The following MYPN variants were observed in gnomAD, a reference collection of about 807,000 sequenced individuals.
The protein encoded by MYPN is myopalladin.
MYPN carries 63 observed loss-of-function variants against 129.4 expected under a neutral mutation model. The ratio of observed to expected loss-of-function variants is 0.49; its 90% CI spans 0.40 to 0.60. The LOEUF is 0.60. Ranked by LOEUF, MYPN falls within the 20% of genes least tolerant of loss-of-function variation. The pLI is 0.00. For synonymous variants in MYPN, 629 were observed against 600.9 expected, an observed-to-expected ratio of 1.05 and a Z score of -0.68; for missense variants, 1,596 against 1,635.4, an observed-to-expected ratio of 0.98 and a Z score of 0.42.
intron 2 of MYPN, among the ~76,000 whole-genome samples, chr10:68,141,649 T>C (rs1323879909): frequency 6.6e-6 from 1 of 152,248 alleles, no homozygotes; most frequent in Non-Finnish European, 1.5e-5. Flanking sequence ...TAGCCGCTTA[T>C]GATTTGCATT....
intron 6 of MYPN, among the ~76,000 whole-genome samples, chr10:68,152,635 T>C (rs2042792079): frequency 6.6e-6 from 1 of 152,168 alleles, no homozygotes; most frequent in African/African-American, 2.4e-5. Flanking sequence ...TATTTATTTG[T>C]TTGCTTGTTT....
intron 1 of MYPN, among the ~76,000 whole-genome samples, chr10:68,091,926 T>C (rs1320588919): frequency 6.6e-6 from 1 of 151,964 alleles, no homozygotes; most frequent in East Asian, 1.9e-4. Flanking sequence ...TTTAAAATAT[T>C]GTAATCCAGG....
At chr10:68,162,746 G>T (rs914349903) in intron 8 of MYPN, among the ~76,000 whole-genome samples, 2 of 152,012 alleles carry the variant, frequency 1.3e-5, no homozygotes, top group East Asian at 3.9e-4. Flanking sequence ...ACCTGAGGTT[G>T]GGAGTTCAAG....
chr10:68,144,427 A>G (rs577122313), intron 3 of MYPN, among the ~76,000 whole-genome samples: 1 of 152,370 alleles, frequency 6.6e-6, no homozygotes, highest in East Asian at 1.9e-4. Flanking sequence ...AGGTACTTAC[A>G]TAGTACCAAG....
At position 68,136,479 on chromosome 10, in the gene MYPN, A is replaced by G. The variant is rs1337806650; in HGVS notation, c.903-6461A>G. ...AGAGTATGGTTCCCCCTGACCCTCA[A>G]AAGTCTTCAGCATAGCAGGGTAAAT... On this transcript the variant is annotated intron_variant, in intron 2 of 19. Coordinates refer to ENST00000358913, the MANE Select transcript of MYPN (RefSeq NM_032578.4). 8 of 1,202,464 alleles carry G rather than the reference A, an allele frequency of 6.7e-6. No individual in the cohort carries two copies. The East Asian group carries it at 2.3e-4, about 34-fold the overall frequency. 74.5% of individuals were successfully genotyped at this position (1,202,464 alleles called of 1,614,324 possible).
intron 19 of MYPN, among the ~76,000 whole-genome samples, chr10:68,209,508 C>T (rs1212659214): frequency 6.6e-6 from 1 of 152,038 alleles, no homozygotes; most frequent in African/African-American, 2.4e-5. Flanking sequence ...GTTTGGCTTT[C>T]ATTTCTGCAG....
Position 68,109,584 on chromosome 10 carries a change from C to A in MYPN, c.-141C>A. 1 of 454,080 alleles carries A rather than the reference C, an allele frequency of 2.2e-6. No homozygotes were observed. Among genetic ancestry groups the A allele is most frequent in the Non-Finnish European group, 4.4e-6 (1 of 226,788 alleles). The allele number at this position is 454,080 out of a possible 1,614,324, so 28.1% of individuals were successfully genotyped here. ...AGGTTAACTCCTCACTCTCTATGGA[C>A]GGCTACTCTCTATTTCCAAGGGCGT... is the stretch of plus-strand genomic sequence containing the variant. On this transcript the variant is annotated 5_prime_UTR_variant, in exon 1 of 20. Coordinates refer to ENST00000358913, the MANE Select transcript of MYPN (RefSeq NM_032578.4).
chr10:68,119,003 T>G (rs1019697713), intron 1 of MYPN, among the ~76,000 whole-genome samples: 1 of 152,072 alleles, frequency 6.6e-6, no homozygotes, highest in Non-Finnish European at 1.5e-5. Context: ...GGCACTTAAT[T>G]TCCCCCCCAT....
At position 68,120,520 on chromosome 10, in the gene MYPN, A is replaced by G. The variant is rs142915103; in HGVS notation, c.-1-918A>G. On this transcript the variant is annotated intron_variant, in intron 1 of 19. Transcript: ENST00000358913. ...ACTCATATCTTTGTAGCCTAATATGAAGAAGCTAAATCATCATAGTTTTCA... is the reference window on the plus strand; with the variant it reads ...ACTCATATCTTTGTAGCCTAATATGGAGAAGCTAAATCATCATAGTTTTCA... Among the ~76,000 whole-genome samples the G allele has an allele frequency of 3.3e-3, 498 of 152,288 alleles. 4 individuals carry two copies. Among genetic ancestry groups the G allele is most frequent in the African/African-American group, 0.012 (480 of 41,562 alleles).
intron 1 of MYPN, among the ~76,000 whole-genome samples, chr10:68,088,263 A>G (rs2041915908): frequency 1.3e-5 from 2 of 152,160 alleles, no homozygotes; most frequent in African/African-American, 2.4e-5. Context: ...TGTCCTAGAA[A>G]AATCTTTAAA....
intron 12 of MYPN, among the ~76,000 whole-genome samples, chr10:68,184,577 C>T (rs1472968584): frequency 1.3e-5 from 2 of 152,248 alleles, no homozygotes; most frequent in Non-Finnish European, 2.9e-5. Flanking sequence ...TACAGGCACA[C>T]GCCACCACGC....
chr10:68,159,751 A>C (rs893614741), intron 7 of MYPN, among the ~76,000 whole-genome samples: 1 of 152,210 alleles, frequency 6.6e-6, no homozygotes, highest in African/African-American at 2.4e-5. Flanking sequence ...TTCTCTGGGC[A>C]GTGAGTCTAG....
At chr10:68,199,256 T>C in intron 16 of MYPN, 112 bp from the exon 17 acceptor site, 1 of 1,035,008 alleles carries the variant, frequency 9.7e-7, no homozygotes, top group Non-Finnish European at 1.5e-6. Flanking sequence ...TTCTCATCAC[T>C]CCATGTTTTC....
At chr10:68,146,866 T>C (rs1171423903) in intron 4 of MYPN, among the ~76,000 whole-genome samples, 6 of 152,202 alleles carry the variant, frequency 3.9e-5, no homozygotes, top group Admixed American at 3.9e-4. Context: ...TAGTCTTTAT[T>C]TGGAGCAATC....
intron 12 of MYPN, among the ~76,000 whole-genome samples, chr10:68,186,830 A>G (rs1179127966): frequency 6.6e-6 from 1 of 152,060 alleles, no homozygotes; most frequent in Non-Finnish European, 1.5e-5. Flanking sequence ...AAAATACTAG[A>G]TAGTAACCAG....
At chr10:68,161,933 C>T (rs112490547) in intron 8 of MYPN, 181 bp downstream of exon 8, 18 of 485,734 alleles carry the variant, frequency 3.7e-5, no homozygotes, top group Admixed American at 7.2e-5. Context: ...GAGGCCGAGG[C>T]GGGCGGATTA....
rs756126179 is a variant in MYPN, at chr10:68,206,899, A to T, written c.3789A>T (p.Ile1263=). 1 of 1,614,148 alleles carries T rather than the reference A, an allele frequency of 6.2e-7. No homozygotes were observed. Among genetic ancestry groups the T allele is most frequent in the South Asian group, 1.1e-5 (1 of 91,082 alleles). The change falls in exon 19 of 20, where the codon ATA becomes ATT. Residue 1263 remains isoleucine (I), a synonymous_variant. Coordinates refer to ENST00000358913, the MANE Select transcript of MYPN (RefSeq NM_032578.4). ...GIVSCTARLD[I]YAQWHHQIPP... is the part of the protein sequence containing the mutation. ...TGTCGTGCACTGCCAGGCTGGATATATACGGTAAGTGTAATGCTGTTAGTT... is the reference window on the plus strand; with the variant it reads ...TGTCGTGCACTGCCAGGCTGGATATTTACGGTAAGTGTAATGCTGTTAGTT...
chr10:68,089,186 A>T (rs1393213495), intron 1 of MYPN, among the ~76,000 whole-genome samples: 2 of 151,984 alleles, frequency 1.3e-5, no homozygotes, highest in African/African-American at 2.4e-5. Flanking sequence ...CATGCGCCAC[A>T]GTGCTCAGCT....
At chr10:68,118,933 A>T (rs1056017675) in intron 1 of MYPN, among the ~76,000 whole-genome samples, 6 of 139,832 alleles carry the variant, frequency 4.3e-5, no homozygotes, top group Middle Eastern at 3.7e-3. Context: ...AAGGAAATTT[A>T]AAAAACCACA....
Sources: allele counts gnomAD v4.1 joint callset (sites outside exome capture counted in the v4.1 genomes callset), GRCh38; gene constraint gnomAD v4.1.1; transcripts MANE v1.5; gene names NCBI Gene and HGNC (gene_info 2026-07-23, HGNC 2026-07-21).